Variants in PHF24 observed in about 807,000 individuals in gnomAD.
PHF24 encodes PHD finger protein 24, also known as Galpha inhibitory interacting protein.
In PHF24, 25 loss-of-function variants were observed where a neutral mutation model predicts 42.6. That is an observed-to-expected ratio of 0.59 (90% confidence interval 0.43 to 0.82). The LOEUF is 0.82. Ranked by LOEUF, PHF24 falls within the 40% of genes least tolerant of loss-of-function variation. The pLI, the probability that PHF24 is intolerant of heterozygous loss-of-function variation, is 0.00. For missense variants in PHF24, 470 were observed against 538.1 expected (o/e 0.87, Z 1.25); for synonymous variants, 185 against 204.8 (o/e 0.90, Z 0.83).
the PHF24 span, among the ~76,000 whole-genome samples, chr9:34,919,207 CAT>C: frequency 2.6e-5 from 4 of 152,066 alleles, no homozygotes; most frequent in East Asian, 5.8e-4. Flanking sequence ...TATTAAAGCA[CAT>C]GTGATATTTT....
intron 5 of PHF24, 50 bp from the exon 6 acceptor site, chr9:34,977,033 G>T: frequency 6.5e-7 from 1 of 1,528,636 alleles, no homozygotes. Flanking sequence ...CTATGGCTTG[G>T]CAGTTTACAA....
chr9:34,934,875 A>G, the PHF24 span, among the ~76,000 whole-genome samples: 1 of 152,216 alleles, frequency 6.6e-6, no homozygotes, highest in Non-Finnish European at 1.5e-5. Flanking sequence ...CAGCTTCTAG[A>G]GTAGTTGCAA....
At chr9:34,763,412 C>T in the PHF24 span, among the ~76,000 whole-genome samples, 1 of 152,194 alleles carries the variant, frequency 6.6e-6, no homozygotes, top group African/African-American at 2.4e-5. Flanking sequence ...AGGTCCTTCA[C>T]ATCCCTTGTA....
chr9:34,772,482 G>C, the PHF24 span, among the ~76,000 whole-genome samples: 4 of 152,068 alleles, frequency 2.6e-5, no homozygotes, highest in Non-Finnish European at 5.9e-5. Flanking sequence ...CTTTTATGGA[G>C]TAATAGTTAG....
chr9:34,928,603 G>A, the PHF24 span, among the ~76,000 whole-genome samples: 2 of 151,954 alleles, frequency 1.3e-5, no homozygotes, highest in Non-Finnish European at 2.9e-5. Flanking sequence ...TCTCTTCCTG[G>A]TAAGCATTAA....
the PHF24 span, among the ~76,000 whole-genome samples, chr9:34,811,860 C>T: frequency 2.0e-5 from 3 of 151,964 alleles, no homozygotes; most frequent in Non-Finnish European, 1.5e-5. Context: ...AAAGACAGCC[C>T]ATGGAATAGG....
chr9:34,962,738 C>A (rs1255678046), intron 1 of PHF24, among the ~76,000 whole-genome samples: 1 of 152,258 alleles, frequency 6.6e-6, no homozygotes, highest in Non-Finnish European at 1.5e-5. Context: ...ACCAGCCAAT[C>A]ACTGATGGTG....
At chr9:34,815,758 TA>T in the PHF24 span, among the ~76,000 whole-genome samples, 2 of 152,302 alleles carry the variant, frequency 1.3e-5, no homozygotes, top group East Asian at 1.9e-4. Flanking sequence ...TGAGCAGGTC[TA>T]AAAAAAGTGA....
the PHF24 span, among the ~76,000 whole-genome samples, chr9:34,937,074 G>A: frequency 1.4e-5 from 2 of 143,270 alleles, no homozygotes; most frequent in Non-Finnish European, 1.5e-5. Flanking sequence ...GGAGGTGAGG[G>A]GCGCCTCTGC....
chr9:34,690,877 A>T, the PHF24 span, among the ~76,000 whole-genome samples: 21 of 152,278 alleles, frequency 1.4e-4, no homozygotes, highest in African/African-American at 5.1e-4. Context: ...GATGTGCTAA[A>T]AGACACACCC....
chr9:34,772,414 G>A, the PHF24 span, among the ~76,000 whole-genome samples: 5 of 152,210 alleles, frequency 3.3e-5, no homozygotes, highest in Admixed American at 6.6e-5. Flanking sequence ...AACAACCTAC[G>A]TGACTGGTTT....
chr9:34,892,839 C>T, the PHF24 span: 1 of 693,578 alleles, frequency 1.4e-6, no homozygotes, highest in Non-Finnish European at 2.6e-6. Context: ...TCTGCACCAG[C>T]TGACCGGGCA....
the PHF24 span, among the ~76,000 whole-genome samples, chr9:34,935,085 G>A: frequency 3.9e-5 from 6 of 152,218 alleles, no homozygotes; most frequent in Non-Finnish European, 8.8e-5. Context: ...CAGAAAACTA[G>A]AGGAATGTGG....
At chr9:34,805,083 C>T in the PHF24 span, among the ~76,000 whole-genome samples, 1 of 152,062 alleles carries the variant, frequency 6.6e-6, no homozygotes, top group African/African-American at 2.4e-5. Flanking sequence ...TATGGATATA[C>T]CATATTTTGT....
At chr9:34,879,995 A>G in the PHF24 span, among the ~76,000 whole-genome samples, 3 of 152,210 alleles carry the variant, frequency 2.0e-5, no homozygotes, top group Non-Finnish European at 4.4e-5. Context: ...GACTAACAGC[A>G]GATATCTCAG....
the PHF24 span, among the ~76,000 whole-genome samples, chr9:34,843,319 A>G: frequency 2.6e-5 from 4 of 152,204 alleles, no homozygotes; most frequent in Non-Finnish European, 4.4e-5. Context: ...ATAAAATACT[A>G]CTGTATGAAC....
At chr9:34,950,351 C>CAAA in the PHF24 span, among the ~76,000 whole-genome samples, 3 of 68,218 alleles carry the variant, frequency 4.4e-5, no homozygotes, top group African/African-American at 1.2e-4. Context: ...GACTCTGTCT[C>CAAA]AAAAAAAAAA....
At chr9:34,896,261 G>T in the PHF24 span, among the ~76,000 whole-genome samples, 4 of 152,312 alleles carry the variant, frequency 2.6e-5, no homozygotes, top group Non-Finnish European at 1.5e-5. Context: ...CTTGGAAACC[G>T]ATTTTTAATG....
the PHF24 span, among the ~76,000 whole-genome samples, chr9:34,676,427 G>A: frequency 6.6e-6 from 1 of 152,188 alleles, no homozygotes; most frequent in African/African-American, 2.4e-5. Context: ...AGGAGGCTGA[G>A]GTGGAGGATC....
Sources: gnomAD v4.1 joint callset for allele counts (sites outside exome capture counted in the v4.1 genomes callset) on GRCh38, gnomAD v4.1.1 for gene constraint, MANE v1.5 for transcripts, NCBI Gene and HGNC (gene_info 2026-07-23, HGNC 2026-07-21) for gene names.